The following POMGNT2 variants were observed in gnomAD, a reference collection of about 807,000 sequenced individuals.
POMGNT2 encodes the protein protein O-linked mannose N-acetylglucosaminyltransferase 2 (beta 1,4-).
A neutral mutation model predicts 37.8 loss-of-function variants in POMGNT2; 32 were observed. The observed-to-expected ratio is 0.85, with a 90% CI of 0.64 to 1.14. The LOEUF (loss-of-function observed/expected upper bound fraction) is 1.14. Among genes scored for constraint, POMGNT2 ranks in the 50% most tolerant of loss-of-function variants. POMGNT2 has a pLI of 0.00. For synonymous variants in POMGNT2, 340 were observed against 336.8 expected (o/e 1.01, Z -0.10); for missense variants, 705 against 780.6 (o/e 0.90, Z 1.15).
At chr3:43,081,854 G>A (rs2089859132) in intron 1 of POMGNT2, among the ~76,000 whole-genome samples, 2 of 152,210 alleles carry the variant, frequency 1.3e-5, no homozygotes, top group Non-Finnish European at 2.9e-5. Context: ...GGCTGGCCTT[G>A]CCCTCTTTAT....
intron 1 of POMGNT2, among the ~76,000 whole-genome samples, chr3:43,097,327 C>T (rs1223663492): frequency 6.6e-6 from 1 of 152,084 alleles, no homozygotes; most frequent in Non-Finnish European, 1.5e-5. Context: ...CCTGGTGGTA[C>T]CTATCTGTAT....
rs2089832412 is a variant in POMGNT2, at chr3:43,079,986, T to G, written c.1446A>C (p.Pro482=). Reference sequence around the variant, plus strand: ...GGCACCGTGCCTCCCGCACCTTGCCTGGATATAGGCCGACTGTCCACTTCT... The same window carrying G: ...GGCACCGTGCCTCCCGCACCTTGCCGGGATATAGGCCGACTGTCCACTTCT... ...RKQKWTVGLY[P]GKVREARCQA... is the part of the protein sequence containing the mutation. Residue 482 remains proline (P), a synonymous_variant, in exon 2 of 2, where the codon CCA becomes CCC. Coordinates refer to ENST00000344697, the MANE Select transcript of POMGNT2 (RefSeq NM_032806.6). 6.2e-6 allele frequency: 10 copies of G among 1,613,986 alleles called. No individual in the cohort carries two copies. Among genetic ancestry groups the G allele is most frequent in the Non-Finnish European group, 8.5e-6 (10 of 1,180,032 alleles).
At chr3:43,090,844 G>A (rs560888942) in intron 1 of POMGNT2, among the ~76,000 whole-genome samples, 1 of 152,304 alleles carries the variant, frequency 6.6e-6, no homozygotes, top group East Asian at 1.9e-4. Flanking sequence ...AAGGCACCAG[G>A]GAGGAACATG....
intron 1 of POMGNT2, among the ~76,000 whole-genome samples, chr3:43,104,216 C>T (rs1338672777): frequency 2.0e-5 from 3 of 152,186 alleles, no homozygotes; most frequent in Non-Finnish European, 4.4e-5. Flanking sequence ...GCAGGTTCCA[C>T]CTTTCACATT....
intron 1 of POMGNT2, among the ~76,000 whole-genome samples, chr3:43,100,268 A>C (rs1323715530): frequency 6.6e-6 from 1 of 152,256 alleles, no homozygotes; most frequent in Non-Finnish European, 1.5e-5. Context: ...ATACAAAAAA[A>C]GTATCAATTT....
intron 1 of POMGNT2, among the ~76,000 whole-genome samples, chr3:43,085,166 GA>G (rs1284971250): frequency 2.0e-5 from 3 of 152,152 alleles, no homozygotes; most frequent in Non-Finnish European, 4.4e-5. Context: ...CTGGGGTGTG[GA>G]TGGAAGTCTA....
intron 1 of POMGNT2, among the ~76,000 whole-genome samples, chr3:43,099,537 T>C (rs1169326667): frequency 6.6e-6 from 1 of 152,150 alleles, no homozygotes; most frequent in Non-Finnish European, 1.5e-5. Context: ...CCCAAAGCCA[T>C]GTGCAGTTCA....
intron 1 of POMGNT2, among the ~76,000 whole-genome samples, chr3:43,102,085 G>A (rs2090023754): frequency 6.6e-6 from 1 of 151,900 alleles, no homozygotes; most frequent in Non-Finnish European, 1.5e-5. Flanking sequence ...AGCAAATTTG[G>A]ACAGCATCTC....
At chr3:43,090,714 T>C (rs1419194432) in intron 1 of POMGNT2, 1 of 151,462 alleles carries the variant, frequency 6.6e-6, no homozygotes, top group Non-Finnish European at 1.5e-5. Flanking sequence ...AAAAAGAGAA[T>C]GGAAAGACAG....
chr3:43,087,770 A>T (rs1188784048), intron 1 of POMGNT2: 1 of 152,160 alleles, frequency 6.6e-6, no homozygotes, highest in Non-Finnish European at 1.5e-5. Flanking sequence ...TCATCTCCCA[A>T]ACCAGCCTGG....
chr3:43,094,723 T>C (rs980121885), intron 1 of POMGNT2, among the ~76,000 whole-genome samples: 3 of 152,232 alleles, frequency 2.0e-5, no homozygotes, highest in Non-Finnish European at 4.4e-5. Context: ...CCCCACTTCA[T>C]CTGTCTCCTG....
intron 1 of POMGNT2, among the ~76,000 whole-genome samples, chr3:43,085,830 T>C (rs956498150): frequency 5.9e-5 from 9 of 152,198 alleles, no homozygotes; most frequent in Non-Finnish European, 1.3e-4. Flanking sequence ...CCAAGCTTCC[T>C]TGGGGCTTTG....
chr3:43,101,613 T>C (rs1575475335), intron 1 of POMGNT2, among the ~76,000 whole-genome samples: 2 of 152,192 alleles, frequency 1.3e-5, no homozygotes, highest in East Asian at 3.9e-4. Flanking sequence ...TTCCAGGTGA[T>C]TCTTGCGTGT....
At chr3:43,086,722 C>T (rs1447994633) in intron 1 of POMGNT2, among the ~76,000 whole-genome samples, 2 of 152,160 alleles carry the variant, frequency 1.3e-5, no homozygotes, top group Non-Finnish European at 2.9e-5. Flanking sequence ...CTGGGCTTCT[C>T]ACCTGTTTAG....
chr3:43,082,313 G>A (rs909932978), intron 1 of POMGNT2, among the ~76,000 whole-genome samples: 2 of 152,124 alleles, frequency 1.3e-5, no homozygotes, highest in South Asian at 2.1e-4. Flanking sequence ...ACACACACAC[G>A]TATGGTCAGC....
At chr3:43,100,065 T>G (rs2090006466) in intron 1 of POMGNT2, among the ~76,000 whole-genome samples, 1 of 152,114 alleles carries the variant, frequency 6.6e-6, no homozygotes, top group African/African-American at 2.4e-5. Flanking sequence ...TGGAAATAAT[T>G]TTAAATTTAC....
intron 1 of POMGNT2, among the ~76,000 whole-genome samples, chr3:43,102,633 C>T (rs1344032718): frequency 6.6e-6 from 1 of 152,176 alleles, no homozygotes; most frequent in Non-Finnish European, 1.5e-5. Context: ...TCATTTAAGC[C>T]TCACCCTCCA....
chr3:43,089,996 T>C (rs1214073022), intron 1 of POMGNT2, among the ~76,000 whole-genome samples: 1 of 152,180 alleles, frequency 6.6e-6, no homozygotes, highest in Non-Finnish European at 1.5e-5. Context: ...GGTCTGTGGC[T>C]GCCTTCTTAG....
In POMGNT2 at chr3:43,079,681, C is replaced by T. The variant is rs1485925592; in HGVS notation, c.*8G>A. Reference sequence around the variant, plus strand: ...CCACCTTCCCGAGGCCAGGCTGTGGCCTGCTCGCTACGTGTTGCACACCAG... The same window carrying T: ...CCACCTTCCCGAGGCCAGGCTGTGGTCTGCTCGCTACGTGTTGCACACCAG... On this transcript the variant is annotated 3_prime_UTR_variant, in exon 2 of 2. Coordinates refer to ENST00000344697, the MANE Select transcript of POMGNT2 (RefSeq NM_032806.6). 1 of 1,605,174 alleles carries T rather than the reference C, an allele frequency of 6.2e-7. No homozygotes were observed.
Sources: gnomAD v4.1 joint callset for allele counts (sites outside exome capture counted in the v4.1 genomes callset) on GRCh38, gnomAD v4.1.1 for gene constraint, MANE v1.5 for transcripts, NCBI Gene and HGNC (gene_info 2026-07-23, HGNC 2026-07-21) for gene names.